POLR2B: variants seen among roughly 807,000 people sequenced by gnomAD.
POLR2B encodes RNA polymerase II subunit B, also known as DNA-directed RNA polymerase II subunit RPB2.
A neutral mutation model predicts 144.6 loss-of-function variants in POLR2B; 57 were observed. That is an observed-to-expected ratio of 0.39 (90% CI 0.32 to 0.49). The LOEUF is 0.49. Ranked by LOEUF, POLR2B falls within the 20% of genes least tolerant of loss-of-function variation. The probability of loss-of-function intolerance (pLI) is 0.83; values close to 1 mark genes in which losing one functional copy is unlikely to be tolerated. For missense variants in POLR2B, 595 were observed against 1,467.4 expected (o/e 0.41, Z 9.71); for synonymous variants, 442 against 469.8 (o/e 0.94, Z 0.77).
At chr4:56,995,855 G>A (rs1226031002) in intron 6 of POLR2B, among the ~76,000 whole-genome samples, 1 of 152,194 alleles carries the variant, frequency 6.6e-6, no homozygotes, top group Admixed American at 6.5e-5. Flanking sequence ...TTCAGAGAGA[G>A]TAAGCAAAAA....
At chr4:56,985,350 G>C in intron 1 of POLR2B, 1 of 985,408 alleles carries the variant, frequency 1.0e-6, no homozygotes, top group Non-Finnish European at 1.2e-6. Context: ...CGGTAGCCGC[G>C]AGGGACCGGT....
At chr4:57,025,862 C>T (rs1276932719) in intron 23 of POLR2B, among the ~76,000 whole-genome samples, 1 of 152,128 alleles carries the variant, frequency 6.6e-6, no homozygotes, top group Non-Finnish European at 1.5e-5. Context: ...TCTCTTAAGT[C>T]CTTTTTTGAA....
chr4:57,013,383 C>T (rs1051946303), intron 13 of POLR2B, among the ~76,000 whole-genome samples: 1 of 142,832 alleles, frequency 7.0e-6, no homozygotes, highest in African/African-American at 2.6e-5. Context: ...ATGTCTCTCT[C>T]TGTCTCTCTA....
At chr4:56,986,005 C>T (rs535532564) in intron 1 of POLR2B, among the ~76,000 whole-genome samples, 2 of 152,326 alleles carry the variant, frequency 1.3e-5, no homozygotes, top group African/African-American at 2.4e-5. Context: ...TAGATTGCCC[C>T]ACCTTAGGGT....
intron 23 of POLR2B, among the ~76,000 whole-genome samples, chr4:57,027,603 G>A (rs143653029): frequency 2.6e-5 from 4 of 152,300 alleles, no homozygotes; most frequent in East Asian, 1.9e-4. Flanking sequence ...GAGCCAAGGC[G>A]CCTGGCCTGT....
chr4:57,005,600 A>C lies in POLR2B; in HGVS notation c.1098A>C (p.Gly366=). The C allele has an allele frequency of 6.4e-7, 1 of 1,572,728 alleles. No individual in the cohort carries two copies. The highest frequency in any genetic ancestry group is 1.4e-5 in the African/African-American group (1 of 71,926). Reference sequence around the variant, plus strand: ...TTTCTTTCTTTTTTTTTTTTTAAAGATACATGGTTCATAGGTTACTTCTGG... The same window carrying C: ...TTTCTTTCTTTTTTTTTTTTTAAAGCTACATGGTTCATAGGTTACTTCTGG... ...FCETKKAYFL[G]YMVHRLLLAA... is the part of the protein sequence containing the mutation. The change falls in exon 9 of 25, where the codon GGA becomes GGC. Residue 366 remains glycine (G), a splice_region_variant and synonymous_variant. Transcript: ENST00000314595.
rs182271760 is a variant in POLR2B, at chr4:57,002,529, C to G, written c.901-2717C>G. ...ATTATTGTTATTCCTTTTTTCTAAT[C>G]TATATTTTAACAAAATCATTTTTTT... On this transcript the variant is annotated intron_variant, in intron 7 of 24. Coordinates refer to ENST00000314595, the MANE Select transcript of POLR2B (RefSeq NM_000938.3). Among the ~76,000 whole-genome samples the G allele has an allele frequency of 3.9e-3, 585 of 151,882 alleles. 5 individuals are homozygous for G. Among genetic ancestry groups the G allele is most frequent in the African/African-American group, 0.014 (570 of 41,448 alleles).
chr4:57,029,788 C>A (rs1233491370), intron 23 of POLR2B, among the ~76,000 whole-genome samples: 1 of 152,136 alleles, frequency 6.6e-6, no homozygotes, highest in East Asian at 1.9e-4. Flanking sequence ...GCATGATGAA[C>A]CTCCACTCTA....
intron 6 of POLR2B, 131 bp from the exon 7 acceptor site, chr4:56,999,486 A>C: frequency 2.0e-6 from 1 of 505,590 alleles, no homozygotes; most frequent in East Asian, 3.3e-5. Context: ...GAGGTTCCTC[A>C]CAGTATTGGG....
chr4:57,016,938 T>C (rs1723387807), intron 14 of POLR2B, 105 bp from the exon 15 acceptor site: 2 of 305,332 alleles, frequency 6.6e-6, no homozygotes, highest in South Asian at 2.9e-4. Flanking sequence ...ATTTAATATA[T>C]AATATTAAAC....
chr4:56,999,139 A>G (rs1426057665), intron 6 of POLR2B, among the ~76,000 whole-genome samples: 1 of 152,024 alleles, frequency 6.6e-6, no homozygotes, highest in Non-Finnish European at 1.5e-5. Context: ...TGCCTCACAG[A>G]CCAGCTCTGA....
chr4:57,005,735 A>G lies in POLR2B; in HGVS notation c.1217+16A>G, dbSNP rs371510241. On this transcript the variant is annotated intron_variant, in intron 9 of 24. Transcript: ENST00000314595. ...TATTTAGAGGGTAAGGAATTACAGA[A>G]TGAAGTCATTAAAGCAGGGAGATTT... is the stretch of plus-strand genomic sequence containing the variant. 5 of 1,606,240 alleles carry G rather than the reference A, an allele frequency of 3.1e-6. No individual in the cohort carries two copies. In the African/African-American group the frequency reaches 6.7e-5, roughly 22 times the overall value.
intron 1 of POLR2B, among the ~76,000 whole-genome samples, chr4:56,979,943 A>G (rs1475945992): frequency 6.6e-6 from 1 of 151,606 alleles, no homozygotes; most frequent in Non-Finnish European, 1.5e-5. Context: ...GTATTTTCGT[A>G]GCCGCCTTTT....
intron 14 of POLR2B, 108 bp from the exon 15 acceptor site, chr4:57,016,930 TTAATA>T: frequency 3.6e-6 from 1 of 276,730 alleles, no homozygotes; most frequent in Non-Finnish European, 6.7e-6. Context: ...ATATGTATAT[TTAATA>T]TATAATATTA....
rs754699970 is a variant in POLR2B, at chr4:57,022,206, A to G, written c.2475A>G (p.Gln825=). The change falls in exon 18 of 25, where the codon CAA becomes CAG. Residue 825 remains glutamine (Q), a synonymous_variant. Coordinates refer to ENST00000314595, the MANE Select transcript of POLR2B (RefSeq NM_000938.3). ...AGGAGTCTAAAAAAGGATTTGATCA[A>G]GAAGAAGTTTTTGAGAAGCCTACAC... The part of the protein sequence containing the change: ...KEQESKKGFD[Q]EEVFEKPTRE... 7 of 1,612,864 alleles carry G rather than the reference A, an allele frequency of 4.3e-6. No individual in the cohort carries two copies. The Admixed American group carries it at 1.0e-4, about 23-fold the overall frequency.
Position 57,017,197 on chromosome 4 carries a change from C to T in POLR2B, c.2110C>T (p.Leu704Phe). Residue 704 changes from leucine (L) to phenylalanine (F), a missense_variant, in exon 15 of 25, where the codon CTT becomes TTT. This residue lies in a region of POLR2B where 39 missense variants were observed against 174.3 expected (regional missense o/e 0.22). Transcript: ENST00000314595. The surrounding 1 kb of genome is among the most constrained non-coding windows in gnomAD (Gnocchi z 4.8). ...THCEIHPSMI[L>F]GVCASIIPFP... ...CTGTGAGATTCATCCCTCAATGATC[C>T]TTGGTGTCTGTGCATCTATTATTCC... is the stretch of plus-strand genomic sequence containing the variant. 1 of 1,612,942 alleles carries T rather than the reference C, an allele frequency of 6.2e-7. No individual in the cohort carries two copies. The highest frequency in any genetic ancestry group is 8.5e-7 in the Non-Finnish European group (1 of 1,179,474).
rs1227224577 is a variant in POLR2B at position 57,017,086 on chromosome 4, AC to A, written c.2002del (p.Leu668TrpfsTer6). ...VASGVVEYID[T>X]LEEETVMLAM... Reference sequence around the variant, plus strand: ...CAGTGGGGTAGTGGAGTATATTGATACCCTGGAAGAAGAAACAGTGATGCTT... The same window carrying A: ...CAGTGGGGTAGTGGAGTATATTGATACCTGGAAGAAGAAACAGTGATGCTT... On this transcript the variant is annotated frameshift_variant, in exon 15 of 25. Coordinates refer to ENST00000314595, the MANE Select transcript of POLR2B (RefSeq NM_000938.3). LOFTEE classifies it high-confidence loss of function. This position sits in a 1 kb window ranked among gnomAD's most constrained non-coding sequence, Gnocchi z 4.8. 6.2e-7 allele frequency: 1 copy of A among 1,613,114 alleles called. No homozygotes were observed. Among genetic ancestry groups the A allele is most frequent in the South Asian group, 1.1e-5 (1 of 91,006 alleles).
intron 23 of POLR2B, among the ~76,000 whole-genome samples, chr4:57,029,591 A>C (rs759202229): frequency 6.6e-6 from 1 of 152,170 alleles, no homozygotes; most frequent in Non-Finnish European, 1.5e-5. Context: ...CATTTATTTC[A>C]CTTCTTATGT....
chr4:57,027,454 C>T (rs565564170), intron 23 of POLR2B, among the ~76,000 whole-genome samples: 21 of 152,274 alleles, frequency 1.4e-4, no homozygotes, highest in African/African-American at 5.1e-4. Flanking sequence ...TACAGGCATG[C>T]ACCACCAAGC....
Sources: gnomAD v4.1 joint callset for allele counts (sites outside exome capture counted in the v4.1 genomes callset) on GRCh38, gnomAD v4.1.1 for gene constraint, gnomAD v4.1.1 regional missense constraint, Gnocchi (gnomAD v3.1) non-coding constraint, MANE v1.5 for transcripts, NCBI Gene and HGNC (gene_info 2026-07-23, HGNC 2026-07-21) for gene names.